Variants in SAMD5 observed in about 807,000 individuals in gnomAD.
SAMD5 encodes sterile alpha motif domain-containing protein 5.
In SAMD5, 13 loss-of-function variants were observed where a neutral mutation model predicts 11.3. The observed-to-expected ratio is 1.15, with a 90% CI of 0.75 to 1.83. The LOEUF is 1.83. SAMD5 is among the 40% of genes most tolerant of loss of function. The pLI, the probability that SAMD5 is intolerant of heterozygous loss-of-function variation, is 0.00. For missense variants in SAMD5, 255 were observed against 239.1 expected (o/e 1.07, Z -0.44); for synonymous variants, 129 against 111.3 (o/e 1.16, Z -1.00).
chr6:147,536,542 A>G (rs1788512559), intron 1 of SAMD5, among the ~76,000 whole-genome samples: 1 of 151,606 alleles, frequency 6.6e-6, no homozygotes, highest in Admixed American at 6.6e-5. Context: ...TTTTTTTTTT[A>G]ATTCCAGTAG....
At chr6:147,591,693 C>G (rs1244776879) in intron 1 of SAMD5, among the ~76,000 whole-genome samples, 1 of 152,090 alleles carries the variant, frequency 6.6e-6, no homozygotes, top group Non-Finnish European at 1.5e-5. Context: ...GGATTTTATT[C>G]ATTTAGAAAT....
At chr6:147,653,463 C>A (rs9390486) in intron 1 of SAMD5, among the ~76,000 whole-genome samples, 1 of 151,990 alleles carries the variant, frequency 6.6e-6, no homozygotes, top group East Asian at 1.9e-4. Context: ...TCCGTGGCTC[C>A]GTCGAGCAGT....
chr6:147,609,051 T>C (rs1789743371), intron 1 of SAMD5, among the ~76,000 whole-genome samples: 1 of 152,188 alleles, frequency 6.6e-6, no homozygotes, highest in South Asian at 2.1e-4. Context: ...AGTTACCTTT[T>C]AAGAGCTATT....
chr6:147,758,213 A>G, the SAMD5 span, among the ~76,000 whole-genome samples: 491 of 152,348 alleles, frequency 3.2e-3, 2 homozygotes, highest in African/African-American at 0.011. Flanking sequence ...ATCTTAAATT[A>G]GCTAAAGAAA....
rs1158449899 is a variant in SAMD5, at chr6:147,711,396, TAA to T, written c.163-25920_163-25919del. 6.6e-6 allele frequency among the ~76,000 whole-genome samples: 1 copy of T among 152,182 alleles called. No individual in the cohort carries two copies. The highest frequency in any genetic ancestry group is 1.5e-5 in the Non-Finnish European group (1 of 68,038). On this transcript the variant is annotated intron_variant, in intron 1 of 1. Transcript: ENST00000566741. This position sits in a 1 kb window ranked among gnomAD's most constrained non-coding sequence, Gnocchi z 4.1. ...TCATGGGACAGATAAAGATGTCATA[TAA>T]TCACCTGGTGTATTCACCACAGTCT...
At chr6:147,758,113 A>G in the SAMD5 span, among the ~76,000 whole-genome samples, 1 of 152,226 alleles carries the variant, frequency 6.6e-6, no homozygotes, top group Admixed American at 6.5e-5. Flanking sequence ...GCCATAATTT[A>G]TAGTCACTAA....
the SAMD5 span, among the ~76,000 whole-genome samples, chr6:147,921,113 A>G: frequency 6.6e-6 from 1 of 152,228 alleles, no homozygotes; most frequent in African/African-American, 2.4e-5. Context: ...AGAATAAGAT[A>G]CTGCTGAATA....
chr6:147,796,398 A>G, the SAMD5 span, among the ~76,000 whole-genome samples: 6 of 152,016 alleles, frequency 3.9e-5, no homozygotes, highest in African/African-American at 1.5e-4. Context: ...ATTATTTCTG[A>G]GGGCTCTGTT....
At position 147,703,917 on chromosome 6, in the gene SAMD5, A is replaced by G. The variant is rs562854076; in HGVS notation, c.163-33400A>G. ...TTATTATTTATTTATTTATTTTTAG[A>G]CGGATTCTTGCTCTGACGCCCAGGC... On this transcript the variant is annotated intron_variant, in intron 1 of 1. Transcript: ENST00000566741. 1.9e-3 allele frequency among the ~76,000 whole-genome samples: 284 copies of G among 152,250 alleles called. 3 individuals are homozygous for G. The highest frequency in any genetic ancestry group is 6.5e-3 in the African/African-American group (272 of 41,552).
intron 1 of SAMD5, among the ~76,000 whole-genome samples, chr6:147,556,401 A>AT (rs1788857956): frequency 6.6e-6 from 1 of 152,224 alleles, no homozygotes; most frequent in Admixed American, 6.5e-5. Flanking sequence ...TACTAGTGTT[A>AT]TTTTTAAATG....
At chr6:147,938,332 C>T in the SAMD5 span, among the ~76,000 whole-genome samples, 457 of 152,154 alleles carry the variant, frequency 3.0e-3, 4 homozygotes, top group African/African-American at 0.011. Flanking sequence ...ATTAATCAAA[C>T]GAAAAAGATA....
chr6:147,518,862 C>T (rs759755625), intron 1 of SAMD5, among the ~76,000 whole-genome samples: 16 of 152,078 alleles, frequency 1.1e-4, no homozygotes, highest in Admixed American at 2.0e-4. Flanking sequence ...TTGGGGAGGC[C>T]TGAGAGTAGT....
chr6:147,581,263 G>A (rs1789293082), intron 1 of SAMD5, among the ~76,000 whole-genome samples: 1 of 152,136 alleles, frequency 6.6e-6, no homozygotes, highest in South Asian at 2.1e-4. Context: ...TGTAGGGCAA[G>A]GGGGATAATG....
At chr6:147,560,510 G>A (rs1788930916) in intron 1 of SAMD5, among the ~76,000 whole-genome samples, 3 of 152,192 alleles carry the variant, frequency 2.0e-5, no homozygotes, top group Admixed American at 2.0e-4. Flanking sequence ...TATGGAAAAT[G>A]TGTGTCAACT....
chr6:147,688,523 C>A (rs1791050597), intron 1 of SAMD5, among the ~76,000 whole-genome samples: 1 of 152,168 alleles, frequency 6.6e-6, no homozygotes, highest in Non-Finnish European at 1.5e-5. Flanking sequence ...TGGTCTATTT[C>A]TAGTTCATTC....
chr6:147,881,581 G>A, the SAMD5 span, among the ~76,000 whole-genome samples: 1 of 152,178 alleles, frequency 6.6e-6, no homozygotes, highest in Non-Finnish European at 1.5e-5. Flanking sequence ...GCACCAGCTT[G>A]ACTCCTGCTT....
chr6:147,586,920 A>G (rs1163346056), intron 1 of SAMD5, among the ~76,000 whole-genome samples: 2 of 152,136 alleles, frequency 1.3e-5, no homozygotes, highest in African/African-American at 4.8e-5. Context: ...TACATAAATT[A>G]TATTAACACT....
chr6:147,794,301 A>G, the SAMD5 span, among the ~76,000 whole-genome samples: 4 of 152,178 alleles, frequency 2.6e-5, no homozygotes, highest in Non-Finnish European at 4.4e-5. Context: ...TAGAGCTTCA[A>G]AAGTATTCAA....
chr6:147,630,968 G>T (rs570656763), intron 1 of SAMD5, among the ~76,000 whole-genome samples: 2 of 152,192 alleles, frequency 1.3e-5, no homozygotes, highest in Non-Finnish European at 2.9e-5. Context: ...TGTTTCAGAG[G>T]TGTCTGATCA....
Sources: gnomAD v4.1 joint callset for allele counts (sites outside exome capture counted in the v4.1 genomes callset) on GRCh38, gnomAD v4.1.1 for gene constraint, Gnocchi (gnomAD v3.1) non-coding constraint, MANE v1.5 for transcripts, NCBI Gene and HGNC (gene_info 2026-07-23, HGNC 2026-07-21) for gene names.